Variants in NAV2 observed in about 807,000 individuals in gnomAD.
The protein encoded by NAV2 is neuron navigator 2.
A neutral mutation model predicts 223.2 loss-of-function variants in NAV2; 54 were observed. That is an observed-to-expected ratio of 0.24 (90% CI 0.19 to 0.30). NAV2 has a LOEUF of 0.30. Among genes scored for constraint, NAV2 ranks in the 10% least tolerant of loss-of-function variants. The pLI is 1.00. For synonymous variants in NAV2, 1,279 were observed against 1,239.3 expected (o/e 1.03, Z -0.67); for missense variants, 2,806 against 3,147.5 (o/e 0.89, Z 2.60).
intron 6 of NAV2, among the ~76,000 whole-genome samples, chr11:19,914,620 C>T (rs1184427078): frequency 6.6e-6 from 1 of 151,634 alleles, no homozygotes; most frequent in Admixed American, 6.6e-5. Flanking sequence ...TCTCGGCTCA[C>T]TGCAAGCTCC....
chr11:20,100,926 C>G lies in NAV2; in HGVS notation c.6182-11C>G. ...AGGGCTTCAGATGATTCCTGTCTCTCTCAAATGCAGGGCTCGCAGAAAACA... is the reference window on the plus strand; with the variant it reads ...AGGGCTTCAGATGATTCCTGTCTCTGTCAAATGCAGGGCTCGCAGAAAACA... On this transcript the variant is annotated splice_polypyrimidine_tract_variant and intron_variant, in intron 31 of 37. Coordinates refer to ENST00000349880, the MANE Select transcript of NAV2 (RefSeq NM_145117.5). The G allele has an allele frequency of 6.2e-7, 1 of 1,612,202 alleles. No individual in the cohort carries two copies. Among genetic ancestry groups the G allele is most frequent in the South Asian group, 1.1e-5 (1 of 91,002 alleles).
intron 1 of NAV2, among the ~76,000 whole-genome samples, chr11:19,597,444 A>G (rs1040068580): frequency 6.6e-6 from 1 of 152,038 alleles, no homozygotes; most frequent in African/African-American, 2.4e-5. Flanking sequence ...GCCCCATCTT[A>G]CTACTGACTT....
At position 20,049,863 on chromosome 11, in the gene NAV2, T is replaced by C. The variant is rs376399249; in HGVS notation, c.4398T>C (p.Pro1466=). Reference sequence around the variant, plus strand: ...CTCTCTCTTCCCCTGCTGCTAGCCCTAAGTTCTGCAGAAGTACTCTGCCCA... The same window carrying C: ...CTCTCTCTTCCCCTGCTGCTAGCCCCAAGTTCTGCAGAAGTACTCTGCCCA... ...ESPLSSPAAS[P]KFCRSTLPRK... The change falls in exon 16 of 38, where the codon CCT becomes CCC. Residue 1466 remains proline (P), a synonymous_variant. Transcript: ENST00000349880. 1 of 1,614,076 alleles carries C rather than the reference T, an allele frequency of 6.2e-7. No homozygotes were observed. Among genetic ancestry groups the C allele is most frequent in the African/African-American group, 1.3e-5 (1 of 74,938 alleles).
At chr11:19,698,458 A>G (rs999069502) in intron 1 of NAV2, among the ~76,000 whole-genome samples, 8 of 152,206 alleles carry the variant, frequency 5.3e-5, no homozygotes, top group Non-Finnish European at 1.0e-4. Flanking sequence ...TGAGAAAGCT[A>G]AGCTTGAAAA....
chr11:19,758,929 C>T (rs2113923), intron 1 of NAV2, among the ~76,000 whole-genome samples: 148,737 of 152,154 alleles, frequency 0.98, 72,787 homozygotes, highest in East Asian at 1. Flanking sequence ...AATTATCCCC[C>T]CTGAGGATTG....
chr11:19,393,901 T>TC (rs1554918349), intron 1 of NAV2, among the ~76,000 whole-genome samples: 1 of 33,654 alleles, frequency 3.0e-5, no homozygotes, highest in African/African-American at 8.6e-5. Context: ...AAGGGTTTTT[T>TC]TTTTCTTTTT....
chr11:20,116,813 C>G (rs2063136477), intron 37 of NAV2, among the ~76,000 whole-genome samples: 1 of 152,222 alleles, frequency 6.6e-6, no homozygotes, highest in Admixed American at 6.5e-5. Context: ...CCATATGTCT[C>G]TATTATCATA....
intron 6 of NAV2, among the ~76,000 whole-genome samples, chr11:19,924,803 C>A (rs1310964799): frequency 2.0e-5 from 3 of 152,154 alleles, no homozygotes; most frequent in Non-Finnish European, 4.4e-5. Context: ...ATTTTGAGCG[C>A]TGTGGAGAGA....
intron 11 of NAV2, among the ~76,000 whole-genome samples, chr11:20,020,767 C>G (rs1591692210): frequency 6.6e-6 from 1 of 152,132 alleles, no homozygotes; most frequent in East Asian, 1.9e-4. Flanking sequence ...AATGTATCCT[C>G]TCTCCCTCAG....
chr11:19,829,030 G>A (rs1222539495), intron 1 of NAV2, among the ~76,000 whole-genome samples: 1 of 152,180 alleles, frequency 6.6e-6, no homozygotes, highest in Non-Finnish European at 1.5e-5. Flanking sequence ...TTGCTGTGTT[G>A]TGCAAACTCA....
intron 11 of NAV2, among the ~76,000 whole-genome samples, chr11:20,020,741 C>A (rs1482804537): frequency 6.6e-6 from 1 of 152,082 alleles, no homozygotes; most frequent in Non-Finnish European, 1.5e-5. Context: ...GAAGAAACTC[C>A]ATCTATTAAA....
At chr11:19,856,059 A>AT (rs980304109) in intron 3 of NAV2, among the ~76,000 whole-genome samples, 4 of 152,174 alleles carry the variant, frequency 2.6e-5, no homozygotes, top group African/African-American at 9.7e-5. Flanking sequence ...ATATTTAACC[A>AT]TTTTTTACCT....
intron 1 of NAV2, among the ~76,000 whole-genome samples, chr11:19,674,137 CT>C (rs1157444878): frequency 6.6e-6 from 1 of 152,220 alleles, no homozygotes; most frequent in Admixed American, 6.5e-5. Flanking sequence ...CAGGCTATTC[CT>C]CTGCGCTCTC....
chr11:20,036,086 C>T lies in NAV2; in HGVS notation c.2896C>T (p.Leu966=). The T allele has an allele frequency of 6.2e-7, 1 of 1,614,224 alleles. No individual in the cohort carries two copies. Among genetic ancestry groups the T allele is most frequent in the Non-Finnish European group, 8.5e-7 (1 of 1,180,036 alleles). Residue 966 remains leucine (L), a synonymous_variant, in exon 12 of 38, where the codon CTG becomes TTG. Transcript: ENST00000349880. The part of the protein sequence containing the change: ...ANTPASSRKN[L]DVQTDAEKHS... ...CACACCTGCCTCCTCTCGAAAAAAC[C>T]TGGATGTGCAGGTGAGGAACACAGG...
chr11:19,437,839 A>T (rs1851267230), intron 1 of NAV2, among the ~76,000 whole-genome samples: 1 of 152,226 alleles, frequency 6.6e-6, no homozygotes, highest in African/African-American at 2.4e-5. Flanking sequence ...GTGCAAGCAT[A>T]AAAAAGACAG....
chr11:20,118,086 G>C (rs2245836), intron 37 of NAV2, 47 bp from the exon 38 acceptor site: 219,492 of 1,606,362 alleles, frequency 0.14, 23,056 homozygotes, highest in East Asian at 0.55. Context: ...CAGGGTGGGC[G>C]GCCAACTAGA....
chr11:19,568,640 TC>T lies in NAV2; in HGVS notation c.75+217616del, dbSNP rs552110611. On this transcript the variant is annotated intron_variant, in intron 1 of 37. Transcript: ENST00000360655. ...CTCATTGACTTCTTATGAAAGCACC[TC>T]CCAGGTAGGTCTAGTCCCGGTTCTT... is the stretch of plus-strand genomic sequence containing the variant. Among the ~76,000 whole-genome samples, 139 of 152,228 alleles carry T rather than the reference TC, an allele frequency of 9.1e-4. 1 individual carries two copies. Among genetic ancestry groups the T allele is most frequent in the Admixed American group, 8.2e-3 (126 of 15,288 alleles).
intron 1 of NAV2, among the ~76,000 whole-genome samples, chr11:19,435,515 G>A (rs1423542761): frequency 6.6e-6 from 1 of 152,050 alleles, no homozygotes; most frequent in Non-Finnish European, 1.5e-5. Context: ...CTTGGCTATT[G>A]TGAATACTGC....
At chr11:19,898,062 C>G (rs1445073762) in intron 6 of NAV2, among the ~76,000 whole-genome samples, 1 of 151,814 alleles carries the variant, frequency 6.6e-6, no homozygotes, top group Non-Finnish European at 1.5e-5. Flanking sequence ...CCTCTCACAT[C>G]CTTTGAATAA....
Sources: allele counts gnomAD v4.1 joint callset (sites outside exome capture counted in the v4.1 genomes callset), GRCh38; gene constraint gnomAD v4.1.1; transcripts MANE v1.5; gene names NCBI Gene and HGNC (gene_info 2026-07-23, HGNC 2026-07-21).